Variants in RMND5A observed in about 807,000 individuals in gnomAD.
RMND5A encodes the protein required for meiotic nuclear division 5 homolog A.
In RMND5A, 17 loss-of-function variants were observed where a neutral mutation model predicts 49.7. The ratio of observed to expected loss-of-function variants is 0.34; its 90% CI spans 0.23 to 0.51. RMND5A has a LOEUF of 0.51. Ranked by LOEUF, RMND5A falls within the 20% of genes least tolerant of loss-of-function variation. The pLI, the probability that RMND5A is intolerant of heterozygous loss-of-function variation, is 0.96. For missense variants in RMND5A, 255 were observed against 471.3 expected (o/e 0.54, Z 4.25); for synonymous variants, 156 against 167.7 (o/e 0.93, Z 0.54).
chr2:86,768,844 G>C (rs1466480124), intron 6 of RMND5A, among the ~76,000 whole-genome samples: 1 of 152,188 alleles, frequency 6.6e-6, no homozygotes, highest in Non-Finnish European at 1.5e-5. Context: ...AATGTTTCAG[G>C]AGCAAGCATG....
chr2:86,756,119 C>A (rs1681735337), intron 4 of RMND5A, among the ~76,000 whole-genome samples: 1 of 152,164 alleles, frequency 6.6e-6, no homozygotes, highest in Non-Finnish European at 1.5e-5. Flanking sequence ...AAGCCAGGTG[C>A]AGTGGCTCAC....
At chr2:86,766,670 A>G (rs925034127) in intron 6 of RMND5A, among the ~76,000 whole-genome samples, 20 of 149,106 alleles carry the variant, frequency 1.3e-4, no homozygotes, top group Admixed American at 6.7e-4. Context: ...TCAAAAAAAA[A>G]AAAAAAAAAA....
At position 86,770,140 on chromosome 2, in the gene RMND5A, C is replaced by T; in HGVS notation, c.957+15C>T. 1 of 1,529,050 alleles carries T rather than the reference C, an allele frequency of 6.5e-7. No individual in the cohort carries two copies. The highest frequency in any genetic ancestry group is 9.1e-7 in the Non-Finnish European group (1 of 1,102,452). The allele number at this position is 1,529,050 out of a possible 1,614,324, so 94.7% of individuals were successfully genotyped here. A position where few individuals can be genotyped will look rare whatever the true frequency, so the allele number is the denominator to read the frequency against. On this transcript the variant is annotated intron_variant, in intron 7 of 8. Transcript: ENST00000283632. ...ATGAATTACCTGTGAGTTCCATTTT[C>T]TATTGGCTATTTACTTTTACTGCCA...
intron 2 of RMND5A, among the ~76,000 whole-genome samples, chr2:86,750,010 C>T (rs1461429293): frequency 6.6e-6 from 1 of 152,142 alleles, no homozygotes; most frequent in Non-Finnish European, 1.5e-5. Flanking sequence ...AAAATAATCC[C>T]ATATTGGTTG....
At chr2:86,766,524 C>T (rs1672597045) in intron 6 of RMND5A, among the ~76,000 whole-genome samples, 1 of 151,936 alleles carries the variant, frequency 6.6e-6, no homozygotes, top group South Asian at 2.1e-4. Context: ...ATTAGCTGGA[C>T]GTGGTGGCGG....
rs1366931386 is a variant in RMND5A at position 86,753,559 on chromosome 2, G to A, written c.521+1G>A. 2 of 1,530,964 alleles carry A rather than the reference G, an allele frequency of 1.3e-6. No individual in the cohort carries two copies. Among genetic ancestry groups the A allele is most frequent in the East Asian group, 2.3e-5 (1 of 44,186 alleles). The allele number at this position is 1,530,964 out of a possible 1,614,324, so 94.8% of individuals were successfully genotyped here. A position where few individuals can be genotyped will look rare whatever the true frequency, so the allele number is the denominator to read the frequency against. On this transcript the variant is annotated splice_donor_variant, in intron 4 of 8. Coordinates refer to ENST00000283632, the MANE Select transcript of RMND5A (RefSeq NM_022780.4). LOFTEE classifies it high-confidence loss of function. ...TCAGAGTTCTGAGACCTGCTCTGGA[G>A]TGAGTATTGAGTTTGCTTTCTTTTG...
intron 4 of RMND5A, among the ~76,000 whole-genome samples, chr2:86,758,626 TAG>T (rs1424884095): frequency 6.6e-6 from 1 of 152,192 alleles, no homozygotes; most frequent in African/African-American, 2.4e-5. Context: ...GTGTCTTAAA[TAG>T]AGTCAGATAT....
chr2:86,765,307 A>G, intron 5 of RMND5A, 114 bp downstream of exon 5: 1 of 914,394 alleles, frequency 1.1e-6, no homozygotes, highest in Non-Finnish European at 1.6e-6. Context: ...GTTGTAGTTG[A>G]TAATCACTTA....
intron 2 of RMND5A, among the ~76,000 whole-genome samples, chr2:86,748,752 A>G (rs754517882): frequency 8.5e-5 from 13 of 152,184 alleles, no homozygotes; most frequent in Non-Finnish European, 1.9e-4. Flanking sequence ...CTGACCTAAT[A>G]TATATATTAC....
In RMND5A at chr2:86,775,798, G is replaced by A. The variant is rs1189102113; in HGVS notation, c.*2387G>A. ...AAAATTCATGAGAGACTAAATGTGA[G>A]GGAGAGGTGGATTTAAAGAGGCCAG... On this transcript the variant is annotated 3_prime_UTR_variant, in exon 9 of 9. Coordinates refer to ENST00000283632, the MANE Select transcript of RMND5A (RefSeq NM_022780.4). The A allele has an allele frequency of 1.3e-5, 2 of 152,136 alleles. No individual in the cohort carries two copies. The highest frequency in any genetic ancestry group is 4.8e-5 in the African/African-American group (2 of 41,424). The allele number at this position is 152,136 out of a possible 1,614,324, so 9.4% of individuals were successfully genotyped here.
intron 4 of RMND5A, among the ~76,000 whole-genome samples, chr2:86,759,040 G>A (rs560752124): frequency 6.6e-6 from 1 of 152,246 alleles, no homozygotes; most frequent in African/African-American, 2.4e-5. Context: ...GCCTTTAAAT[G>A]CTGTGAAAGG....
intron 2 of RMND5A, among the ~76,000 whole-genome samples, chr2:86,748,720 C>G (rs1245539788): frequency 6.6e-6 from 1 of 152,186 alleles, no homozygotes; most frequent in Non-Finnish European, 1.5e-5. Context: ...CAAGTACTGT[C>G]AGATGGTAGC....
chr2:86,728,929 GTATTT>G (rs1681312613), intron 1 of RMND5A, among the ~76,000 whole-genome samples: 1 of 151,054 alleles, frequency 6.6e-6, no homozygotes, highest in Non-Finnish European at 1.5e-5. Flanking sequence ...TTTTTTTTTT[GTATTT>G]TAGTAGAGAC....
Position 86,758,264 on chromosome 2 carries a change from C to T in RMND5A, c.521+4706C>T, listed in dbSNP as rs963271578. 3.3e-5 allele frequency among the ~76,000 whole-genome samples: 5 copies of T among 152,268 alleles called. No individual in the cohort carries two copies. The South Asian group carries it at 6.2e-4, about 19-fold the overall frequency. On this transcript the variant is annotated intron_variant, in intron 4 of 8. Coordinates refer to ENST00000283632, the MANE Select transcript of RMND5A (RefSeq NM_022780.4). ...GCCACCATTAACTGTATTATGTATA[C>T]GTACATTTTTATGCACAAGTGGTTG...
chr2:86,757,289 T>C (rs1681759670), intron 4 of RMND5A, among the ~76,000 whole-genome samples: 1 of 150,928 alleles, frequency 6.6e-6, no homozygotes, highest in African/African-American at 2.4e-5. Flanking sequence ...CCTGATTACA[T>C]AGATCTAATC....
chr2:86,743,508 A>C (rs1681485973), intron 2 of RMND5A, among the ~76,000 whole-genome samples: 1 of 151,794 alleles, frequency 6.6e-6, no homozygotes, highest in African/African-American at 2.4e-5. Context: ...CTTTTTGCCC[A>C]AGCTGGAGTG....
At chr2:86,761,990 C>T (rs1276505235) in intron 4 of RMND5A, among the ~76,000 whole-genome samples, 1 of 151,990 alleles carries the variant, frequency 6.6e-6, no homozygotes, top group Non-Finnish European at 1.5e-5. Flanking sequence ...TAATTCATAA[C>T]TTTCAGGAAA....
chr2:86,740,344 G>T (rs1478407705), intron 1 of RMND5A, among the ~76,000 whole-genome samples: 8 of 1,610 alleles, frequency 5.0e-3, no homozygotes, highest in African/African-American at 0.022. Context: ...CTGAGTTAGG[G>T]AGTGATGGGA....
intron 4 of RMND5A, among the ~76,000 whole-genome samples, chr2:86,758,605 G>C (rs1681788641): frequency 6.6e-6 from 1 of 151,868 alleles, no homozygotes; most frequent in South Asian, 2.1e-4. Context: ...CATGTAAAAG[G>C]GTGTGTGTGT....
Sources: gnomAD v4.1 joint callset for allele counts (sites outside exome capture counted in the v4.1 genomes callset) on GRCh38, gnomAD v4.1.1 for gene constraint, MANE v1.5 for transcripts, NCBI Gene and HGNC (gene_info 2026-07-23, HGNC 2026-07-21) for gene names.